PPM1H: variants seen among roughly 807,000 people sequenced by gnomAD.
The protein encoded by PPM1H is protein phosphatase 1H.
PPM1H carries 27 observed loss-of-function variants against 54.9 expected under a neutral mutation model. The ratio of observed to expected loss-of-function variants is 0.49; its 90% CI spans 0.36 to 0.68. The LOEUF (loss-of-function observed/expected upper bound fraction) is 0.68, where lower values mean the gene tolerates loss of function less well. PPM1H is among the 30% of genes least tolerant of loss of function. PPM1H has a pLI of 0.00. For missense variants in PPM1H, 596 were observed against 667.8 expected (o/e 0.89, Z 1.19); for synonymous variants, 305 against 270.8 (o/e 1.13, Z -1.24).
chr12:62,828,522 C>T (rs577600776), intron 2 of PPM1H, among the ~76,000 whole-genome samples: 1 of 152,250 alleles, frequency 6.6e-6, no homozygotes, highest in South Asian at 2.1e-4. Flanking sequence ...CTCAGACTTC[C>T]TATATTCTGG....
Position 62,900,554 on chromosome 12 carries a change from A to AATG in PPM1H, c.245+33937_245+33938insCAT, listed in dbSNP as rs765594360. Among the ~76,000 whole-genome samples the AATG allele has an allele frequency of 2.7e-5, 4 of 148,940 alleles. No homozygotes were observed. In the East Asian group the frequency reaches 7.8e-4, roughly 29 times the overall value. Reference sequence around the variant, plus strand: ...ATGTAATAATAATAATAATAATAATAAAGAAAGAAGGGAAGAAGAAATGGG... The same window carrying AATG: ...ATGTAATAATAATAATAATAATAATAATGAAGAAAGAAGGGAAGAAGAAATGGG... On this transcript the variant is annotated intron_variant, in intron 1 of 9. Transcript: ENST00000228705.
At chr12:62,733,843 G>A (rs953689317) in intron 5 of PPM1H, among the ~76,000 whole-genome samples, 27 of 152,146 alleles carry the variant, frequency 1.8e-4, no homozygotes, top group Non-Finnish European at 3.4e-4. Flanking sequence ...CACACTGATT[G>A]TTTAAGGGCG....
chr12:62,736,348 G>C (rs541582219), intron 5 of PPM1H, among the ~76,000 whole-genome samples: 27 of 152,262 alleles, frequency 1.8e-4, no homozygotes, highest in African/African-American at 6.5e-4. Context: ...CCTTTCCACC[G>C]GCCTAGACTA....
intron 1 of PPM1H, among the ~76,000 whole-genome samples, chr12:62,879,770 T>A (rs1165376716): frequency 6.6e-6 from 1 of 151,650 alleles, no homozygotes; most frequent in Admixed American, 6.6e-5. Context: ...ATAATAATAA[T>A]AAAAAATTAA....
chr12:62,685,648 T>G (rs2076047054), intron 8 of PPM1H, among the ~76,000 whole-genome samples: 1 of 152,098 alleles, frequency 6.6e-6, no homozygotes, highest in Non-Finnish European at 1.5e-5. Context: ...GATAGGGAGG[T>G]GTTGGTCAAG....
chr12:62,924,859 T>C (rs968407212), intron 1 of PPM1H, among the ~76,000 whole-genome samples: 1 of 151,858 alleles, frequency 6.6e-6, no homozygotes, highest in African/African-American at 2.4e-5. Context: ...CTAGCCAACA[T>C]GGCAAAACCC....
chr12:62,673,713 C>CTTTTTTTTTTTTT (rs1192243731), intron 8 of PPM1H, among the ~76,000 whole-genome samples: 1 of 47,570 alleles, frequency 2.1e-5, no homozygotes, highest in Non-Finnish European at 4.5e-5. Flanking sequence ...AGAAGAGCCA[C>CTTTTTTTTTTTTT]TCTTTTTTTT....
chr12:62,796,752 T>TGCGTGCACCCGTGC, intron 3 of PPM1H, among the ~76,000 whole-genome samples: 1 of 152,308 alleles, frequency 6.6e-6, no homozygotes, highest in Admixed American at 6.5e-5. Context: ...AGGTTGAGGA[T>TGCGTGCACCCGTGC]GCGTGCACCC....
intron 4 of PPM1H, among the ~76,000 whole-genome samples, chr12:62,746,831 C>T (rs1438191482): frequency 6.6e-6 from 1 of 152,218 alleles, no homozygotes; most frequent in Non-Finnish European, 1.5e-5. Context: ...TCACACCCCC[C>T]CACTTCTAAA....
chr12:62,845,283 G>C (rs1040307860), intron 1 of PPM1H, among the ~76,000 whole-genome samples: 1 of 152,198 alleles, frequency 6.6e-6, no homozygotes, highest in African/African-American at 2.4e-5. Flanking sequence ...CCAAAAGCTG[G>C]CTTATGACCT....
chr12:62,885,002 C>T (rs1440256282), intron 1 of PPM1H, among the ~76,000 whole-genome samples: 2 of 152,170 alleles, frequency 1.3e-5, no homozygotes, highest in African/African-American at 4.8e-5. Flanking sequence ...TACAGTTCCA[C>T]ATGGCTGGGG....
chr12:62,840,957 A>G (rs1301107916), intron 1 of PPM1H, among the ~76,000 whole-genome samples: 3 of 152,086 alleles, frequency 2.0e-5, no homozygotes, highest in Non-Finnish European at 2.9e-5. Context: ...TGTGAACCGA[A>G]CAATGGCTCT....
At chr12:62,750,406 A>G (rs2120573916) in intron 4 of PPM1H, among the ~76,000 whole-genome samples, 1 of 152,228 alleles carries the variant, frequency 6.6e-6, no homozygotes, top group East Asian at 1.9e-4. Context: ...TTCATTTGCT[A>G]AACAGATGTT....
At chr12:62,804,811 G>C (rs1483533448) in intron 2 of PPM1H, among the ~76,000 whole-genome samples, 1 of 149,248 alleles carries the variant, frequency 6.7e-6, no homozygotes, top group Non-Finnish European at 1.5e-5. Flanking sequence ...AAGTAGCTGG[G>C]ACTACAGGCG....
At chr12:62,907,387 CA>C (rs1214779582) in intron 1 of PPM1H, among the ~76,000 whole-genome samples, 2 of 152,152 alleles carry the variant, frequency 1.3e-5, no homozygotes, top group Non-Finnish European at 2.9e-5. Flanking sequence ...GCAAATTGCA[CA>C]AGGACATCAG....
At chr12:62,821,956 C>T (rs1193945796) in intron 2 of PPM1H, among the ~76,000 whole-genome samples, 1 of 152,168 alleles carries the variant, frequency 6.6e-6, no homozygotes, top group African/African-American at 2.4e-5. Flanking sequence ...AAGACACAGA[C>T]TGGCAAACTG....
intron 2 of PPM1H, among the ~76,000 whole-genome samples, chr12:62,805,217 T>A (rs916293779): frequency 1.3e-5 from 2 of 152,062 alleles, no homozygotes; most frequent in South Asian, 4.1e-4. Context: ...GAGACAAGTG[T>A]TAGTGAGGAT....
At chr12:62,672,208 A>G (rs1337109174) in intron 8 of PPM1H, among the ~76,000 whole-genome samples, 7 of 152,228 alleles carry the variant, frequency 4.6e-5, no homozygotes, top group African/African-American at 1.7e-4. Flanking sequence ...ATCCTGTCTC[A>G]GCAGAATCTG....
intron 9 of PPM1H, among the ~76,000 whole-genome samples, chr12:62,658,056 CAAAAA>C (rs34769800): frequency 2.8e-4 from 30 of 107,298 alleles, no homozygotes; most frequent in African/African-American, 6.7e-4. Flanking sequence ...ATCCAGGTTA[CAAAAA>C]AAAAAAAAAA....
Sources: gnomAD v4.1 joint callset for allele counts (sites outside exome capture counted in the v4.1 genomes callset) on GRCh38, gnomAD v4.1.1 for gene constraint, MANE v1.5 for transcripts, NCBI Gene and HGNC (gene_info 2026-07-23, HGNC 2026-07-21) for gene names.